ZBTB16: variants seen among roughly 807,000 people sequenced by gnomAD.
ZBTB16 encodes the protein zinc finger and BTB domain containing 16.
Under a neutral mutation model 56.8 loss-of-function variants are expected in ZBTB16, and 8 were observed. That is an observed-to-expected ratio of 0.14 (90% CI 0.08 to 0.25). ZBTB16 has a LOEUF of 0.25. Among genes scored for constraint, ZBTB16 ranks in the 10% least tolerant of loss-of-function variants. The pLI is 1.00. For synonymous variants in ZBTB16, 363 were observed against 368.5 expected (o/e 0.98, Z 0.17); for missense variants, 625 against 903.0 (o/e 0.69, Z 3.95).
intron 3 of ZBTB16, among the ~76,000 whole-genome samples, chr11:114,169,606 A>G (rs1228403701): frequency 2.6e-5 from 4 of 152,176 alleles, no homozygotes. Flanking sequence ...GGCAGGGTGG[A>G]CAGAGGGGTT....
chr11:114,212,809 A>G (rs1054304746), intron 4 of ZBTB16, among the ~76,000 whole-genome samples: 2 of 151,856 alleles, frequency 1.3e-5, no homozygotes, highest in African/African-American at 4.8e-5. Context: ...CCCATCCCCC[A>G]TCGCCTGCCT....
intron 3 of ZBTB16, among the ~76,000 whole-genome samples, chr11:114,185,634 G>A (rs749949414): frequency 4.6e-5 from 7 of 152,168 alleles, no homozygotes; most frequent in Non-Finnish European, 7.3e-5. Flanking sequence ...ACCACCTTGC[G>A]TCTTACAGTG....
intron 2 of ZBTB16, among the ~76,000 whole-genome samples, chr11:114,102,188 C>A (rs1287523205): frequency 6.6e-6 from 1 of 152,088 alleles, no homozygotes; most frequent in Non-Finnish European, 1.5e-5. Flanking sequence ...CTTTGCCCTG[C>A]AGACTTGTTC....
At chr11:114,205,271 G>A (rs1358100369) in intron 4 of ZBTB16, among the ~76,000 whole-genome samples, 5 of 152,042 alleles carry the variant, frequency 3.3e-5, no homozygotes, top group Non-Finnish European at 5.9e-5. Context: ...TTAGCCGGGC[G>A]TAGTGGTGGG....
chr11:114,212,736 T>A (rs1944020747), intron 4 of ZBTB16, among the ~76,000 whole-genome samples: 1 of 152,142 alleles, frequency 6.6e-6, no homozygotes, highest in Admixed American at 6.5e-5. Context: ...TGTTTGAGAC[T>A]TGGGAACCAC....
At chr11:114,082,936 G>A (rs936896551) in intron 2 of ZBTB16, among the ~76,000 whole-genome samples, 1 of 152,204 alleles carries the variant, frequency 6.6e-6, no homozygotes, top group Non-Finnish European at 1.5e-5. Flanking sequence ...GGCTGTGGTC[G>A]TAGCACTACG....
intron 2 of ZBTB16, among the ~76,000 whole-genome samples, chr11:114,072,512 G>T (rs1025130744): frequency 6.6e-6 from 1 of 152,206 alleles, no homozygotes; most frequent in South Asian, 2.1e-4. Flanking sequence ...GGGTCCTGGG[G>T]CTGGGCTTGT....
chr11:114,254,096 T>TC lies in ZBTB16; in HGVS notation c.*3541_*3542insC, dbSNP rs1305523860. 3.8e-5 allele frequency among the ~76,000 whole-genome samples: 4 copies of TC among 105,794 alleles called. No individual in the cohort carries two copies. The highest frequency in any genetic ancestry group is 1.0e-4 in the African/African-American group (3 of 29,000). The allele number at this position is 105,794 out of a possible 152,430, so 69.4% of individuals were successfully genotyped here. A position where few individuals can be genotyped will look rare whatever the true frequency, so the allele number is the denominator to read the frequency against. ...TGCATTTGGTGACATTTACACCTCA[T>TC]GTGCTCTTTCCCTATTCACTCCTTC... On this transcript the variant is annotated 3_prime_UTR_variant, in exon 7 of 7. Transcript: ENST00000335953.
chr11:114,088,370 C>G (rs146325928), intron 2 of ZBTB16, among the ~76,000 whole-genome samples: 4 of 152,158 alleles, frequency 2.6e-5, no homozygotes, highest in Middle Eastern at 3.4e-3. Flanking sequence ...CCCAACTCCT[C>G]GCCTCAAGTG....
intron 4 of ZBTB16, among the ~76,000 whole-genome samples, chr11:114,195,465 A>G (rs1048390009): frequency 2.6e-5 from 4 of 152,192 alleles, no homozygotes; most frequent in African/African-American, 9.7e-5. Context: ...TGGGGACAAG[A>G]GACCTGCCTG....
At chr11:114,247,465 G>T (rs1944837935) in intron 6 of ZBTB16, 100 bp downstream of exon 6, 1 of 1,532,258 alleles carries the variant, frequency 6.5e-7, no homozygotes, top group Non-Finnish European at 9.0e-7. Context: ...ATGATCCCAG[G>T]CTGAATCAAA....
chr11:114,183,377 C>T (rs934564709), intron 3 of ZBTB16, among the ~76,000 whole-genome samples: 8 of 152,190 alleles, frequency 5.3e-5, no homozygotes, highest in African/African-American at 1.9e-4. Context: ...TCTTCATCTT[C>T]CTCTGCACTT....
chr11:114,067,798 G>T (rs752838608), intron 2 of ZBTB16, among the ~76,000 whole-genome samples: 30 of 152,260 alleles, frequency 2.0e-4, no homozygotes, highest in Admixed American at 3.3e-4. Context: ...AAGCTTGGGG[G>T]TCTAAAGAAA....
rs368971745 is a variant in ZBTB16 at position 114,063,837 on chromosome 11, C to T, written c.537C>T (p.Pro179=). Residue 179 remains proline (P), a synonymous_variant, in exon 2 of 7, where the codon CCC becomes CCT. Coordinates refer to ENST00000335953, the MANE Select transcript of ZBTB16 (RefSeq NM_006006.6). This position sits in a 1 kb window ranked among gnomAD's most constrained non-coding sequence, Gnocchi z 6.5. ...TGGCTGGACAGAGCCTCCCTGGGCC[C>T]ATGGTGGACCAGAGCCCTTCAGTCT... ...ASVAGQSLPG[P]MVDQSPSVST... 7 of 1,614,036 alleles carry T rather than the reference C, an allele frequency of 4.3e-6. No homozygotes were observed. The highest frequency in any genetic ancestry group is 2.2e-5 in the East Asian group (1 of 44,898).
At chr11:114,222,115 C>T (rs1425958753) in intron 4 of ZBTB16, among the ~76,000 whole-genome samples, 1 of 152,154 alleles carries the variant, frequency 6.6e-6, no homozygotes, top group Non-Finnish European at 1.5e-5. Context: ...CAGGGTCTTT[C>T]ATGCTGATCC....
rs138256075 is a variant in ZBTB16 at position 114,159,305 on chromosome 11, T to C, written c.1366+2871T>C. Among the ~76,000 whole-genome samples, 268 of 152,304 alleles carry C rather than the reference T, an allele frequency of 1.8e-3. 3 individuals are homozygous for C. The highest frequency in any genetic ancestry group is 6.0e-3 in the African/African-American group (251 of 41,570). On this transcript the variant is annotated intron_variant, in intron 3 of 6. Coordinates refer to ENST00000335953, the MANE Select transcript of ZBTB16 (RefSeq NM_006006.6). Reference sequence around the variant, plus strand: ...CTCTTTTCCTAGTTTTTCCTTTCCATGCCTGTCTTACTGGGCACTGAAGGC... The same window carrying C: ...CTCTTTTCCTAGTTTTTCCTTTCCACGCCTGTCTTACTGGGCACTGAAGGC...
chr11:114,201,836 T>A (rs1943743423), intron 4 of ZBTB16, among the ~76,000 whole-genome samples: 1 of 152,082 alleles, frequency 6.6e-6, no homozygotes, highest in Non-Finnish European at 1.5e-5. Flanking sequence ...TATTTTTGAG[T>A]AATAATAATG....
intron 2 of ZBTB16, among the ~76,000 whole-genome samples, chr11:114,148,940 C>T (rs999276482): frequency 4.0e-5 from 6 of 148,850 alleles, no homozygotes; most frequent in African/African-American, 2.5e-5. Context: ...TTTTTTTCCA[C>T]CTCTACATTT....
At chr11:114,139,358 T>C (rs1008985910) in intron 2 of ZBTB16, among the ~76,000 whole-genome samples, 1 of 152,320 alleles carries the variant, frequency 6.6e-6, no homozygotes, top group South Asian at 2.1e-4. Flanking sequence ...TTATTTTTAT[T>C]GTACTTCCTT....
Sources: allele counts gnomAD v4.1 joint callset (sites outside exome capture counted in the v4.1 genomes callset), GRCh38; gene constraint gnomAD v4.1.1; non-coding constraint Gnocchi (gnomAD v3.1); transcripts MANE v1.5; gene names NCBI Gene and HGNC (gene_info 2026-07-23, HGNC 2026-07-21).